TACC1: variants seen among roughly 807,000 people sequenced by gnomAD.
TACC1 encodes the protein transforming acidic coiled-coil-containing protein 1.
Under a neutral mutation model 84.4 loss-of-function variants are expected in TACC1, and 48 were observed. That is an observed-to-expected ratio of 0.57 (90% CI 0.45 to 0.72). TACC1 has a LOEUF of 0.72. Among genes scored for constraint, TACC1 ranks in the 30% least tolerant of loss-of-function variants. The pLI is 0.00. For missense variants in TACC1, 920 were observed against 973.0 expected, an observed-to-expected ratio of 0.95 and a Z score of 0.72; for synonymous variants, 372 against 376.3, an observed-to-expected ratio of 0.99 and a Z score of 0.13.
intron 11 of TACC1, among the ~76,000 whole-genome samples, chr8:38,845,604 T>C (rs929575094): frequency 6.6e-6 from 1 of 152,258 alleles, no homozygotes; most frequent in African/African-American, 2.4e-5. Flanking sequence ...CATTTCTTTA[T>C]TGATGGGCAC....
Position 38,849,479 on chromosome 8 carries a change from A to G in TACC1, c.*1456A>G, listed in dbSNP as rs1284236153. On this transcript the variant is annotated 3_prime_UTR_variant, in exon 13 of 13. Transcript: ENST00000317827. ...TTACATGCTGAAAGTCTTCATGGTG[A>G]TATGCACTATATTCAGTATACGTAT... 2 of 152,226 alleles carry G rather than the reference A, an allele frequency of 1.3e-5. No homozygotes were observed. The highest frequency in any genetic ancestry group is 2.9e-5 in the Non-Finnish European group (2 of 68,036). The allele number at this position is 152,226 out of a possible 1,614,324, so 9.4% of individuals were successfully genotyped here. A position where few individuals can be genotyped will look rare whatever the true frequency, so the allele number is the denominator to read the frequency against.
chr8:38,767,803 G>A (rs1587441521), intron 3 of TACC1, among the ~76,000 whole-genome samples: 4 of 152,304 alleles, frequency 2.6e-5, no homozygotes, highest in Admixed American at 2.6e-4. Context: ...AGTGGCTCAC[G>A]TCTGTAATCC....
rs371320247 is a variant in TACC1, at chr8:38,820,941, C to T, written c.1391+306C>T. ...AAAAAATAGACCAGTCACGGTGGCT[C>T]ACACCTGTAATCCCAGCACTTTGGG... On this transcript the variant is annotated intron_variant, in intron 3 of 12. Transcript: ENST00000317827. 1.3e-3 allele frequency among the ~76,000 whole-genome samples: 195 copies of T among 152,104 alleles called. 1 individual carries two copies. The highest frequency in any genetic ancestry group is 4.2e-3 in the African/African-American group (173 of 41,468).
At chr8:38,759,092 G>A (rs1290454956) in intron 3 of TACC1, among the ~76,000 whole-genome samples, 2 of 152,188 alleles carry the variant, frequency 1.3e-5, no homozygotes, top group Admixed American at 1.3e-4. Context: ...ACAAACAGGA[G>A]AGGCAATATA....
At chr8:38,733,584 G>A (rs1805391113) in intron 1 of TACC1, among the ~76,000 whole-genome samples, 1 of 152,058 alleles carries the variant, frequency 6.6e-6, no homozygotes, top group Admixed American at 6.5e-5. Flanking sequence ...TCCTTCATAG[G>A]AGGCTGCTTA....
At chr8:38,808,343 T>G (rs1004349519) in intron 2 of TACC1, among the ~76,000 whole-genome samples, 4 of 152,238 alleles carry the variant, frequency 2.6e-5, no homozygotes, top group Non-Finnish European at 5.9e-5. Flanking sequence ...TGGAGCCTAC[T>G]GAGGATCTGG....
chr8:38,848,117 C>A lies in TACC1; in HGVS notation c.*94C>A. 1.6e-6 allele frequency: 2 copies of A among 1,235,804 alleles called. No individual in the cohort carries two copies. Among genetic ancestry groups the A allele is most frequent in the Non-Finnish European group, 2.3e-6 (2 of 880,854 alleles). The allele number at this position is 1,235,804 out of a possible 1,614,324, so 76.6% of individuals were successfully genotyped here. ...TTATCCAGGAATAATTGCCCCTTTG[C>A]AGAGAAAAAAAAAAACTTAAAAAAA... On this transcript the variant is annotated 3_prime_UTR_variant, in exon 13 of 13. Transcript: ENST00000317827.
intron 2 of TACC1, among the ~76,000 whole-genome samples, chr8:38,807,724 T>A (rs1424856272): frequency 6.6e-6 from 1 of 152,264 alleles, no homozygotes; most frequent in Non-Finnish European, 1.5e-5. Context: ...ATTTCCCCTC[T>A]TCTAAGACTT....
intron 3 of TACC1, among the ~76,000 whole-genome samples, chr8:38,749,133 C>G (rs1012848795): frequency 6.6e-6 from 1 of 152,084 alleles, no homozygotes; most frequent in African/African-American, 2.4e-5. Context: ...TAACAATTCT[C>G]TATTGTTATG....
At chr8:38,752,668 C>T (rs1193041414) in intron 3 of TACC1, among the ~76,000 whole-genome samples, 1 of 152,142 alleles carries the variant, frequency 6.6e-6, no homozygotes, top group Non-Finnish European at 1.5e-5. Flanking sequence ...AGCCCACTGA[C>T]CCAGAGACTA....
chr8:38,827,490 AT>A, intron 5 of TACC1, 115 bp downstream of exon 5: 1 of 1,075,658 alleles, frequency 9.3e-7, no homozygotes, highest in Non-Finnish European at 1.4e-6. Context: ...TGAAGGATAG[AT>A]TTAGGATGCT....
In TACC1 at chr8:38,850,799, A is replaced by AAC; in HGVS notation, c.*2777_*2778dup. The stretch of plus-strand genomic sequence containing the variant: ...TCAAAAAAAAAAAAAAAAAAAAAAA[A>AAC]ACCAGGAGTGAAAAAGGAAAGTAGA... On this transcript the variant is annotated 3_prime_UTR_variant, in exon 13 of 13. Transcript: ENST00000317827. 1 of 145,782 alleles carries AAC rather than the reference A, an allele frequency of 6.9e-6. No individual in the cohort carries two copies. Among genetic ancestry groups the AAC allele is most frequent in the African/African-American group, 2.5e-5 (1 of 39,662 alleles). 9.0% of individuals were successfully genotyped at this position (145,782 alleles called of 1,614,324 possible). A position where few individuals can be genotyped will look rare whatever the true frequency, so the allele number is the denominator to read the frequency against.
chr8:38,799,802 A>T (rs766646938), intron 2 of TACC1: 2 of 152,172 alleles, frequency 1.3e-5, no homozygotes, highest in Non-Finnish European at 2.9e-5. Flanking sequence ...CCCCAAATTG[A>T]TGGGATGGTG....
chr8:38,779,755 C>G (rs1188021388), intron 3 of TACC1, among the ~76,000 whole-genome samples: 1 of 152,216 alleles, frequency 6.6e-6, no homozygotes, highest in East Asian at 1.9e-4. Flanking sequence ...CCTTCTGAAA[C>G]CCTTCCTTGC....
intron 1 of TACC1, 129 bp downstream of exon 1, chr8:38,787,872 G>A: frequency 1.1e-6 from 1 of 922,112 alleles, no homozygotes; most frequent in Non-Finnish European, 1.5e-6. Flanking sequence ...TCCCTGCCCG[G>A]AGCCGGGTCC....
chr8:38,737,801 C>T (rs1680945808), intron 1 of TACC1, among the ~76,000 whole-genome samples: 3 of 150,908 alleles, frequency 2.0e-5, no homozygotes, highest in Admixed American at 2.0e-4. Flanking sequence ...GATCTCGGCT[C>T]ACCGCAACCT....
chr8:38,787,795 C>T (rs1252341909), intron 1 of TACC1, 52 bp downstream of exon 1: 9 of 1,436,636 alleles, frequency 6.3e-6, no homozygotes, highest in Non-Finnish European at 8.3e-6. Context: ...CTCCATCCAT[C>T]TGCGACTCCC....
At chr8:38,800,044 C>T (rs1459284279) in intron 2 of TACC1, among the ~76,000 whole-genome samples, 1 of 152,162 alleles carries the variant, frequency 6.6e-6, no homozygotes, top group South Asian at 2.1e-4. Context: ...GCCTTTAGTC[C>T]CAGCTGCTCA....
At chr8:38,764,892 A>T (rs1811929476) in intron 3 of TACC1, among the ~76,000 whole-genome samples, 1 of 152,120 alleles carries the variant, frequency 6.6e-6, no homozygotes, top group South Asian at 2.1e-4. Context: ...TGAGGTCAGG[A>T]GTTTGAGACC....
Sources: gnomAD v4.1 joint callset for allele counts (sites outside exome capture counted in the v4.1 genomes callset) on GRCh38, gnomAD v4.1.1 for gene constraint, MANE v1.5 for transcripts, NCBI Gene and HGNC (gene_info 2026-07-23, HGNC 2026-07-21) for gene names.